The following TMPRSS11D variants were observed in gnomAD, a reference collection of about 807,000 sequenced individuals.
The protein encoded by TMPRSS11D is transmembrane serine protease 11D.
In TMPRSS11D, 32 loss-of-function variants were observed where a neutral mutation model predicts 44.4. The observed-to-expected ratio is 0.72, with a 90% CI of 0.54 to 0.97. The LOEUF is 0.97. Ranked by LOEUF, TMPRSS11D falls within the 50% of genes least tolerant of loss-of-function variation. The pLI is 0.00. For missense variants in TMPRSS11D, 446 were observed against 502.6 expected, an observed-to-expected ratio of 0.89 and a Z score of 1.08; for synonymous variants, 179 against 177.9, an observed-to-expected ratio of 1.01 and a Z score of -0.05.
At chr4:67,823,038 T>G (rs1186831841) in intron 9 of TMPRSS11D, among the ~76,000 whole-genome samples, 2 of 152,176 alleles carry the variant, frequency 1.3e-5, no homozygotes, top group Non-Finnish European at 1.5e-5. Flanking sequence ...TTTGTGATAT[T>G]TATTCAATGT....
intron 9 of TMPRSS11D, among the ~76,000 whole-genome samples, chr4:67,824,248 A>G (rs988551506): frequency 1.3e-5 from 2 of 151,880 alleles, no homozygotes; most frequent in African/African-American, 4.8e-5. Flanking sequence ...TACGGCTTGA[A>G]CTGGGCTTCA....
chr4:67,852,435 A>C (rs1470807462), intron 3 of TMPRSS11D, among the ~76,000 whole-genome samples: 1 of 152,180 alleles, frequency 6.6e-6, no homozygotes, highest in Non-Finnish European at 1.5e-5. Context: ...GGTGAGCCCA[A>C]GAATTTGCAT....
At chr4:67,859,797 T>C in intron 1 of TMPRSS11D, 119 bp from the exon 2 acceptor site, 4 of 1,338,528 alleles carry the variant, frequency 3.0e-6, no homozygotes, top group African/African-American at 1.5e-5. Flanking sequence ...GCTCTAGCCA[T>C]AGAAACATAT....
intron 7 of TMPRSS11D, among the ~76,000 whole-genome samples, chr4:67,832,905 G>C (rs1178198784): frequency 6.6e-6 from 1 of 151,878 alleles, no homozygotes; most frequent in Non-Finnish European, 1.5e-5. Context: ...AAAAAATAAA[G>C]CTTATGGAGA....
chr4:67,838,268 T>G lies in TMPRSS11D; in HGVS notation c.379A>C (p.Asn127His), dbSNP rs143756782. Residue 127 changes from asparagine (N) to histidine (H), a missense_variant, in exon 5 of 10, where the codon AAT (asparagine) becomes CAT (histidine). Coordinates refer to ENST00000283916, the MANE Select transcript of TMPRSS11D (RefSeq NM_004262.3). ...VMKFQFTRNN[N>H]GASMKSRIES... The stretch of plus-strand genomic sequence containing the variant: ...ATTCTGCTTTTCATTGATGCTCCAT[T>G]GTTATTTCTAGTGAATTGAAATTTC... 8.7e-6 allele frequency: 14 copies of G among 1,602,188 alleles called. No homozygotes were observed. The African/African-American group carries it at 1.9e-4, about 22-fold the overall frequency.
intron 3 of TMPRSS11D, among the ~76,000 whole-genome samples, chr4:67,846,183 A>G (rs953559174): frequency 1.3e-4 from 20 of 152,296 alleles, no homozygotes; most frequent in African/African-American, 4.6e-4. Context: ...CTATTACTAT[A>G]ATGGTCTCCA....
At chr4:67,830,108 A>C (rs1465034204) in intron 7 of TMPRSS11D, among the ~76,000 whole-genome samples, 1 of 152,124 alleles carries the variant, frequency 6.6e-6, no homozygotes, top group Non-Finnish European at 1.5e-5. Flanking sequence ...GCAGCAGTGC[A>C]TCAGATGAAA....
At chr4:67,836,433 T>C (rs1220064627) in intron 5 of TMPRSS11D, among the ~76,000 whole-genome samples, 2 of 152,182 alleles carry the variant, frequency 1.3e-5, no homozygotes, top group East Asian at 1.9e-4. Context: ...AACCGACTTA[T>C]GCAAAGTTAT....
intron 4 of TMPRSS11D, chr4:67,839,015 C>A (rs1718169500): frequency 6.6e-6 from 1 of 152,040 alleles, no homozygotes; most frequent in Non-Finnish European, 1.5e-5. Context: ...AGGAAAGTTA[C>A]CTCATAAACC....
rs1467877883 is a variant in TMPRSS11D at position 67,838,789 on chromosome 4, A to G, written c.318-460T>C. On this transcript the variant is annotated intron_variant, in intron 4 of 9. Coordinates refer to ENST00000283916, the MANE Select transcript of TMPRSS11D (RefSeq NM_004262.3). ...AATAATCTCCTAAACAAATTCATAA[A>G]GTGATAGGGTTGTAAATTTGTGTGA... 2.6e-5 allele frequency among the ~76,000 whole-genome samples: 4 copies of G among 152,060 alleles called. No homozygotes were observed. The East Asian group carries it at 7.7e-4, about 29-fold the overall frequency.
chr4:67,869,824 C>G (rs767631821), intron 1 of TMPRSS11D, among the ~76,000 whole-genome samples: 98 of 152,156 alleles, frequency 6.4e-4, no homozygotes, highest in Non-Finnish European at 2.1e-4. Context: ...ATTTTAGGTA[C>G]TTACGACATG....
At chr4:67,844,619 CA>C (rs1183233252) in intron 3 of TMPRSS11D, among the ~76,000 whole-genome samples, 32 of 147,100 alleles carry the variant, frequency 2.2e-4, no homozygotes, top group Non-Finnish European at 2.3e-4. Context: ...CCTAAAAATA[CA>C]AAAAAAAAAT....
rs1017629229 is a variant in TMPRSS11D, at chr4:67,821,027, A to G, written c.*1310T>C. Reference sequence around the variant, plus strand: ...CAATTTTACATCAGGAAATACAAGAAGTTTTCAGCAAATGTATGGAGCAGT... The same window carrying G: ...CAATTTTACATCAGGAAATACAAGAGGTTTTCAGCAAATGTATGGAGCAGT... On this transcript the variant is annotated 3_prime_UTR_variant, in exon 10 of 10. Coordinates refer to ENST00000283916, the MANE Select transcript of TMPRSS11D (RefSeq NM_004262.3). 1 of 152,228 alleles carries G rather than the reference A, an allele frequency of 6.6e-6. No individual in the cohort carries two copies. The highest frequency in any genetic ancestry group is 1.5e-5 in the Non-Finnish European group (1 of 68,042). 9.4% of individuals were successfully genotyped at this position (152,228 alleles called of 1,614,324 possible).
chr4:67,833,063 T>A, intron 7 of TMPRSS11D, 141 bp downstream of exon 7: 1 of 793,408 alleles, frequency 1.3e-6, no homozygotes, highest in Non-Finnish European at 1.7e-6. Flanking sequence ...TCCTTTTCCT[T>A]TCATGAATAG....
At position 67,821,016 on chromosome 4, in the gene TMPRSS11D, G is replaced by T. The variant is rs556403958; in HGVS notation, c.*1321C>A. 6.6e-6 allele frequency: 1 copy of T among 152,284 alleles called. No individual in the cohort carries two copies. Among genetic ancestry groups the T allele is most frequent in the Non-Finnish European group, 1.5e-5 (1 of 68,004 alleles). 9.4% of individuals were successfully genotyped at this position (152,284 alleles called of 1,614,324 possible). Reference sequence around the variant, plus strand: ...AGGTGTTTGCACAATTTTACATCAGGAAATACAAGAAGTTTTCAGCAAATG... The same window carrying T: ...AGGTGTTTGCACAATTTTACATCAGTAAATACAAGAAGTTTTCAGCAAATG... On this transcript the variant is annotated 3_prime_UTR_variant, in exon 10 of 10. Coordinates refer to ENST00000283916, the MANE Select transcript of TMPRSS11D (RefSeq NM_004262.3).
chr4:67,831,993 A>T (rs367692945), intron 7 of TMPRSS11D, among the ~76,000 whole-genome samples: 2 of 152,204 alleles, frequency 1.3e-5, no homozygotes, highest in East Asian at 3.8e-4. Flanking sequence ...TAGTGCCTAT[A>T]AATCTGAAAA....
rs183903392 is a variant in TMPRSS11D at position 67,877,039 on chromosome 4, C to T, written c.8+6887G>A. Among the ~76,000 whole-genome samples, 10 of 152,136 alleles carry T rather than the reference C, an allele frequency of 6.6e-5. No individual in the cohort carries two copies. The East Asian group carries it at 1.5e-3, about 23-fold the overall frequency. ...ATATCTTTTGGGTGTGGGTAGGTGA[C>T]GGAGGAAACAAGACTGGCTGCTGAG... On this transcript the variant is annotated intron_variant, in intron 1 of 9. Coordinates refer to ENST00000283916, the MANE Select transcript of TMPRSS11D (RefSeq NM_004262.3).
chr4:67,826,142 A>C (rs910138042), intron 8 of TMPRSS11D, among the ~76,000 whole-genome samples: 3 of 152,012 alleles, frequency 2.0e-5, no homozygotes, highest in African/African-American at 7.2e-5. Flanking sequence ...CAAATATCTT[A>C]AAATTGACTA....
At chr4:67,866,187 T>G (rs184791615) in intron 1 of TMPRSS11D, among the ~76,000 whole-genome samples, 1 of 152,170 alleles carries the variant, frequency 6.6e-6, no homozygotes, top group East Asian at 1.9e-4. Context: ...GCAAGTATGA[T>G]TCAACATACA....
Sources: allele counts gnomAD v4.1 joint callset (sites outside exome capture counted in the v4.1 genomes callset), GRCh38; gene constraint gnomAD v4.1.1; transcripts MANE v1.5; gene names NCBI Gene and HGNC (gene_info 2026-07-23, HGNC 2026-07-21).